MS4A14: variants seen among roughly 807,000 people sequenced by gnomAD.
The protein encoded by MS4A14 is membrane spanning 4-domains A14.
MS4A14 carries 18 observed loss-of-function variants against 16.7 expected under a neutral mutation model. The ratio of observed to expected loss-of-function variants is 1.08; its 90% CI spans 0.75 to 1.60. MS4A14 has a LOEUF of 1.60. MS4A14 is among the 40% of genes most tolerant of loss of function. MS4A14 has a pLI of 0.00. For missense variants in MS4A14, 812 were observed against 775.3 expected, an observed-to-expected ratio of 1.05 and a Z score of -0.56; for synonymous variants, 305 against 289.4, an observed-to-expected ratio of 1.05 and a Z score of -0.55.
chr11:60,417,105 A>G lies in MS4A14; in HGVS notation c.*97A>G. The G allele has an allele frequency of 6.9e-7, 1 of 1,450,106 alleles. No homozygotes were observed. The highest frequency in any genetic ancestry group is 1.4e-5 in the South Asian group (1 of 69,242). The allele number at this position is 1,450,106 out of a possible 1,614,324, so 89.8% of individuals were successfully genotyped here. On this transcript the variant is annotated 3_prime_UTR_variant, in exon 5 of 5. Coordinates refer to ENST00000300187, the MANE Select transcript of MS4A14 (RefSeq NM_032597.5). ...GATCTATTAGAGAAAGAAGCCCTAA[A>G]GCAGAAAGCTCTATACCAAGAAGTC...
chr11:60,416,772 C>G lies in MS4A14; in HGVS notation c.1804C>G (p.Gln602Glu). ...GGAGCAAAACTCAAAGAAGCAAACCCAGGATCAGCAAACTGAAGACCAGCC... is the reference window on the plus strand; with the variant it reads ...GGAGCAAAACTCAAAGAAGCAAACCGAGGATCAGCAAACTGAAGACCAGCC... The part of the protein sequence containing the change: ...DKEQNSKKQT[Q>E]DQQTEDQPAQ... Residue 602 changes from glutamine (Q) to glutamate (E), a missense_variant, in exon 5 of 5, where the codon CAG becomes GAG. Physicochemically the swap from Gln to Glu is conservative, Grantham distance 29 (BLOSUM62 2). Transcript: ENST00000300187. 1 of 1,613,572 alleles carries G rather than the reference C, an allele frequency of 6.2e-7. No individual in the cohort carries two copies. Among genetic ancestry groups the G allele is most frequent in the Non-Finnish European group, 8.5e-7 (1 of 1,179,816 alleles).
At chr11:60,406,091 C>A in intron 4 of MS4A14, 1 of 706,662 alleles carries the variant, frequency 1.4e-6, no homozygotes, top group Non-Finnish European at 2.2e-6. Context: ...AAGCAGCATG[C>A]TCAGATGCTG....
chr11:60,403,521 G>A (rs1456027644), intron 4 of MS4A14, among the ~76,000 whole-genome samples: 1 of 152,160 alleles, frequency 6.6e-6, no homozygotes, highest in Admixed American at 6.6e-5. Flanking sequence ...AAATACAGTG[G>A]GGGAAGGTAT....
Position 60,416,190 on chromosome 11 carries a change from C to A in MS4A14, c.1222C>A (p.Gln408Lys), listed in dbSNP as rs1343846000. 6.2e-7 allele frequency: 1 copy of A among 1,613,754 alleles called. No individual in the cohort carries two copies. Among genetic ancestry groups the A allele is most frequent in the East Asian group, 2.2e-5 (1 of 44,834 alleles). The change falls in exon 5 of 5, where the codon CAA becomes AAA. Residue 408 changes from glutamine to lysine, a missense_variant. By Grantham distance (53) the Gln-to-Lys change is moderately conservative. Coordinates refer to ENST00000300187, the MANE Select transcript of MS4A14 (RefSeq NM_032597.5). ...CATACCTTCCCAAGATATGCTATCC[C>A]AAGCTCTATCAGCGCATGCCATATT... is the stretch of plus-strand genomic sequence containing the variant. Reference protein sequence around the residue: ...QDIPSQDMLSQALSAHAILPE... With the variant: ...QDIPSQDMLSKALSAHAILPE...
chr11:60,403,121 T>C (rs779068496), intron 4 of MS4A14, 60 bp downstream of exon 4: 1 of 1,528,176 alleles, frequency 6.5e-7, no homozygotes, highest in South Asian at 1.1e-5. Context: ...GTGTCCATGA[T>C]GTAATGATTC....
In MS4A14 at chr11:60,402,898, A is replaced by G; in HGVS notation, c.319-14A>G. Reference sequence around the variant, plus strand: ...CGATCTTATTTATTTTATCATTTTTAAACTATCTTTCAGGGTCAAGGTGTC... The same window carrying G: ...CGATCTTATTTATTTTATCATTTTTGAACTATCTTTCAGGGTCAAGGTGTC... On this transcript the variant is annotated splice_polypyrimidine_tract_variant and intron_variant, in intron 3 of 4. Coordinates refer to ENST00000300187, the MANE Select transcript of MS4A14 (RefSeq NM_032597.5). 6.2e-7 allele frequency: 1 copy of G among 1,604,902 alleles called. No homozygotes were observed. Among genetic ancestry groups the G allele is most frequent in the South Asian group, 1.1e-5 (1 of 88,688 alleles).
Position 60,403,012 on chromosome 11 carries a change from A to G in MS4A14, c.419A>G (p.Gln140Arg). ...LSYRHQDKYCQMPSFEEICVF... is the reference protein window; with the variant it reads ...LSYRHQDKYCRMPSFEEICVF... ...TACAGACATCAAGACAAGTACTGCC[A>G]GATGCCATCCTTTGAAGAAATATGT... Residue 140 changes from glutamine (Q) to arginine (R), a missense_variant, in exon 4 of 5, where the codon CAG (glutamine) becomes CGG (arginine). Physicochemically the swap from Gln to Arg is conservative, Grantham distance 43. Transcript: ENST00000300187. 6.2e-7 allele frequency: 1 copy of G among 1,613,808 alleles called. No individual in the cohort carries two copies. Among genetic ancestry groups the G allele is most frequent in the Non-Finnish European group, 8.5e-7 (1 of 1,179,728 alleles).
At chr11:60,396,918 A>G (rs2085633221) in intron 1 of MS4A14, among the ~76,000 whole-genome samples, 1 of 152,174 alleles carries the variant, frequency 6.6e-6, no homozygotes, top group African/African-American at 2.4e-5. Context: ...ACTTTTTAAA[A>G]TATCTCATTG....
chr11:60,407,006 CTTTTTTTTTTTTTTT>C (rs71036579), intron 4 of MS4A14, among the ~76,000 whole-genome samples: 1 of 74,636 alleles, frequency 1.3e-5, no homozygotes, highest in South Asian at 6.3e-4. Flanking sequence ...ATCAATTTAC[CTTTTTTTTTTTTTTT>C]TTTTTTTTTT....
chr11:60,416,211 ATATTACCTG>A lies in MS4A14; in HGVS notation c.1244_1252del (p.Ile415_Glu418delinsLys). ...ATCCCAAGCTCTATCAGCGCATGCC[ATATTACCTG>A]AAGCCTCAACATCCCATATTGTGCA... On this transcript the variant is annotated inframe_deletion, in exon 5 of 5. Transcript: ENST00000300187. The A allele has an allele frequency of 4.3e-6, 7 of 1,613,944 alleles. No individual in the cohort carries two copies. Among genetic ancestry groups the A allele is most frequent in the Non-Finnish European group, 5.9e-6 (7 of 1,179,954 alleles).
intron 2 of MS4A14, among the ~76,000 whole-genome samples, chr11:60,399,308 G>A (rs2085676211): frequency 1.3e-5 from 2 of 152,204 alleles, no homozygotes. Flanking sequence ...CTGCGTAGCT[G>A]CTCACTAGGC....
In MS4A14 at chr11:60,415,964, A is replaced by C; in HGVS notation, c.996A>C (p.Glu332Asp). The change falls in exon 5 of 5, where the codon GAA (glutamate) becomes GAC (aspartate). Residue 332 changes from glutamate (E) to aspartate (D), a missense_variant. Transcript: ENST00000300187. ...SQALPVEGLS[E>D]QTMPSKSTSS... ...CTCTACCAGTAGAAGGCCTGTCAGA[A>C]CAAACCATGCCATCTAAGTCTACAT... is the stretch of plus-strand genomic sequence containing the variant. 2 of 1,613,940 alleles carry C rather than the reference A, an allele frequency of 1.2e-6. No homozygotes were observed. Among genetic ancestry groups the C allele is most frequent in the South Asian group, 1.1e-5 (1 of 91,076 alleles).
rs115691108 is a variant in MS4A14, at chr11:60,412,673, A to G, written c.469-2764A>G. On this transcript the variant is annotated intron_variant, in intron 4 of 4. Coordinates refer to ENST00000300187, the MANE Select transcript of MS4A14 (RefSeq NM_032597.5). ...TCAATTTTGTTGATCTTTTAAAAGA[A>G]TCAACATTTGGGTTCATTGATTTTC... 7.7e-3 allele frequency among the ~76,000 whole-genome samples: 1,176 copies of G among 151,996 alleles called. 14 individuals carry two copies. The highest frequency in any genetic ancestry group is 0.025 in the African/African-American group (1,023 of 41,542).
At position 60,415,940 on chromosome 11, in the gene MS4A14, T is replaced by C. The variant is rs1379818226; in HGVS notation, c.972T>C (p.Ala324=). The stretch of plus-strand genomic sequence containing the variant: ...CACCTGAAGACTTGCCATCCCAAGC[T>C]CTACCAGTAGAAGGCCTGTCAGAAC... ...DISPEDLPSQ[A]LPVEGLSEQT... is the part of the protein sequence containing the mutation. The change falls in exon 5 of 5, where the codon GCT becomes GCC. Residue 324 remains alanine (A), a synonymous_variant. Coordinates refer to ENST00000300187, the MANE Select transcript of MS4A14 (RefSeq NM_032597.5). The C allele has an allele frequency of 1.2e-6, 2 of 1,613,956 alleles. No homozygotes were observed. Among genetic ancestry groups the C allele is most frequent in the African/African-American group, 1.3e-5 (1 of 75,002 alleles).
intron 3 of MS4A14, among the ~76,000 whole-genome samples, chr11:60,401,835 A>G (rs916195875): frequency 6.6e-6 from 1 of 152,172 alleles, no homozygotes; most frequent in Non-Finnish European, 1.5e-5. Flanking sequence ...GCCTATCTAT[A>G]TGTTCCTGTG....
rs1055911014 is a variant in MS4A14 at position 60,396,682 on chromosome 11, T to C, written c.104T>C (p.Leu35Pro). The part of the protein sequence containing the change: ...AFPYRPHSSL[L>P]DFLKGEPRVL... ...CCCTACAGACCTCATAGCTCTCTGC[T>C]GGATTTTCTGAAGGGAGAGCCAAGA... is the stretch of plus-strand genomic sequence containing the variant. The change falls in exon 1 of 5, where the codon CTG (leucine) becomes CCG (proline). Residue 35 changes from leucine (L) to proline (P), a missense_variant. Leu to Pro is a moderately conservative substitution (Grantham distance 98). Transcript: ENST00000300187. The C allele has an allele frequency of 6.2e-7, 1 of 1,613,844 alleles. No homozygotes were observed. The highest frequency in any genetic ancestry group is 8.5e-7 in the Non-Finnish European group (1 of 1,179,954).
chr11:60,415,378 CAA>C, intron 4 of MS4A14, 57 bp from the exon 5 acceptor site: 6 of 1,288,620 alleles, frequency 4.7e-6, no homozygotes, highest in South Asian at 1.6e-5. Flanking sequence ...ACTTGGAAAA[CAA>C]AAAAAAAATC....
chr11:60,397,856 C>G lies in MS4A14; in HGVS notation c.143C>G (p.Thr48Ser). 1.2e-6 allele frequency: 2 copies of G among 1,603,462 alleles called. No homozygotes were observed. The highest frequency in any genetic ancestry group is 3.4e-5 in the Admixed American group (2 of 58,570). The change falls in exon 2 of 5, where the codon ACC becomes AGC. Residue 48 changes from threonine (T) to serine (S), a missense_variant. Physicochemically the swap from Thr to Ser is moderately conservative, Grantham distance 58. Coordinates refer to ENST00000300187, the MANE Select transcript of MS4A14 (RefSeq NM_032597.5). Reference sequence around the variant, plus strand: ...TACCCATTTCTCTCCTCACAGGCTACCCAGATCCTGCTTGCTCTAATCATT... The same window carrying G: ...TACCCATTTCTCTCCTCACAGGCTAGCCAGATCCTGCTTGCTCTAATCATT... Reference protein sequence around the residue: ...LKGEPRVLGATQILLALIIVG... With the variant: ...LKGEPRVLGASQILLALIIVG...
At chr11:60,400,357 G>T (rs1185970321) in intron 2 of MS4A14, 47 bp from the exon 3 acceptor site, 4 of 1,317,152 alleles carry the variant, frequency 3.0e-6, no homozygotes, top group East Asian at 2.4e-5. Flanking sequence ...ACTGCAAGGT[G>T]GTCAAACACA....
Sources: gnomAD v4.1 joint callset for allele counts (sites outside exome capture counted in the v4.1 genomes callset) on GRCh38, gnomAD v4.1.1 for gene constraint, MANE v1.5 for transcripts, NCBI Gene and HGNC (gene_info 2026-07-23, HGNC 2026-07-21) for gene names.